The following PDPK1 variants were observed in gnomAD, a reference collection of about 807,000 sequenced individuals.
PDPK1 encodes 3-phosphoinositide-dependent protein kinase 1.
A neutral mutation model predicts 39.8 loss-of-function variants in PDPK1; 7 were observed. The ratio of observed to expected loss-of-function variants is 0.18; its 90% CI spans 0.10 to 0.33. PDPK1 has a LOEUF of 0.33. Among genes scored for constraint, PDPK1 ranks in the 10% least tolerant of loss-of-function variants. PDPK1 has a pLI of 1.00. For missense variants in PDPK1, 182 were observed against 384.7 expected (o/e 0.47, Z 4.41); for synonymous variants, 118 against 159.1 (o/e 0.74, Z 1.95).
At chr16:2,593,000 C>T (rs1335078721) in intron 11 of PDPK1, 3 of 456,670 alleles carry the variant, frequency 6.6e-6, no homozygotes, top group Admixed American at 2.3e-5. Context: ...GCTGGGAGTG[C>T]CTCTGGGCTC....
chr16:2,592,394 G>T, intron 11 of PDPK1: 1 of 275,594 alleles, frequency 3.6e-6, no homozygotes, highest in Non-Finnish European at 7.1e-6. Flanking sequence ...CAGGTCTTCA[G>T]CTCTTGCCCA....
At chr16:2,592,674 T>TAAA in intron 11 of PDPK1, 4 of 376,522 alleles carry the variant, frequency 1.1e-5, no homozygotes, top group East Asian at 7.7e-5. Context: ...GACTCTGTCT[T>TAAA]AAAAAAAAAA....
chr16:2,594,632 A>C (rs2067062376), intron 11 of PDPK1: 1 of 152,244 alleles, frequency 6.6e-6, no homozygotes, highest in African/African-American at 2.4e-5. Flanking sequence ...ATCAGATAGA[A>C]CACAAACCAG....
intron 7 of PDPK1, among the ~76,000 whole-genome samples, chr16:2,577,964 C>T (rs1208811355): frequency 1.3e-5 from 2 of 148,174 alleles, no homozygotes; most frequent in South Asian, 2.1e-4. Flanking sequence ...GTCTCGATCT[C>T]TTGAGCTCGT....
In PDPK1 at chr16:2,538,502, A is replaced by T. The variant is rs1364423530; in HGVS notation, c.24+366A>T. On this transcript the variant is annotated intron_variant, in intron 1 of 13. Coordinates refer to ENST00000342085, the MANE Select transcript of PDPK1 (RefSeq NM_002613.5). ...GGTTACCTTTCGGTTCTGTCTGTAG[A>T]GGAACCGCCCTGGGCTTCCACCTGG... 13 of 574,582 alleles carry T rather than the reference A, an allele frequency of 2.3e-5. No homozygotes were observed. In the Admixed American group the frequency reaches 3.0e-4, roughly 13 times the overall value. 35.6% of individuals were successfully genotyped at this position (574,582 alleles called of 1,614,324 possible). A position where few individuals can be genotyped will look rare whatever the true frequency, so the allele number is the denominator to read the frequency against.
chr16:2,545,034 T>C (rs1490781644), intron 1 of PDPK1, among the ~76,000 whole-genome samples: 1 of 151,090 alleles, frequency 6.6e-6, no homozygotes, highest in African/African-American at 2.4e-5. Context: ...AGCATTAACA[T>C]TGCATTTTTT....
At chr16:2,577,523 T>C (rs2066737591) in intron 7 of PDPK1, 23 bp downstream of exon 7, 1 of 1,562,206 alleles carries the variant, frequency 6.4e-7, no homozygotes, top group African/African-American at 1.4e-5. Flanking sequence ...ATCTAAGCCG[T>C]GCTTCCCTTT....
At chr16:2,546,457 A>C (rs2066349046) in intron 1 of PDPK1, among the ~76,000 whole-genome samples, 1 of 151,770 alleles carries the variant, frequency 6.6e-6, no homozygotes, top group Admixed American at 6.6e-5. Flanking sequence ...CCTCAGCCTC[A>C]TGAGTAGCTG....
intron 12 of PDPK1, among the ~76,000 whole-genome samples, 175 bp downstream of exon 12, chr16:2,596,025 A>G (rs953378238): frequency 1.3e-5 from 2 of 152,180 alleles, no homozygotes; most frequent in Admixed American, 1.3e-4. Flanking sequence ...AGCCATGTGG[A>G]GCCACACGCG....
intron 1 of PDPK1, among the ~76,000 whole-genome samples, chr16:2,551,819 A>G (rs2066417398): frequency 6.6e-6 from 1 of 151,110 alleles, no homozygotes; most frequent in African/African-American, 2.4e-5. Flanking sequence ...GCTGCACACC[A>G]CCACACCCAG....
At chr16:2,585,110 A>T (rs1454917834) in intron 10 of PDPK1, among the ~76,000 whole-genome samples, 1 of 152,192 alleles carries the variant, frequency 6.6e-6, no homozygotes, top group African/African-American at 2.4e-5. Context: ...CTCCAGTCTC[A>T]ATGCCTGGGG....
intron 1 of PDPK1, among the ~76,000 whole-genome samples, chr16:2,552,231 G>A (rs1174410012): frequency 1.3e-5 from 2 of 149,544 alleles, no homozygotes; most frequent in South Asian, 4.3e-4. Context: ...TTCGGCCTCT[G>A]GAAGTGCTGG....
At position 2,597,853 on chromosome 16, in the gene PDPK1, C is replaced by A; in HGVS notation, c.*86C>A. ...GCCATCCGGGACGCTTCCAGACCAC[C>A]TGCCAGCCATCACAAGGGGAACGCA... On this transcript the variant is annotated 3_prime_UTR_variant, in exon 14 of 14. Coordinates refer to ENST00000342085, the MANE Select transcript of PDPK1 (RefSeq NM_002613.5). The surrounding 1 kb of genome is among the most constrained non-coding windows in gnomAD (Gnocchi z 6.3). 1.2e-6 allele frequency: 1 copy of A among 806,320 alleles called. No individual in the cohort carries two copies. Among genetic ancestry groups the A allele is most frequent in the Admixed American group, 2.2e-5 (1 of 44,912 alleles). The allele number at this position is 806,320 out of a possible 1,614,324, so 49.9% of individuals were successfully genotyped here.
At chr16:2,576,707 A>G (rs980564042) in intron 6 of PDPK1, 1 of 152,720 alleles carries the variant, frequency 6.5e-6, no homozygotes, top group Admixed American at 6.2e-5. Context: ...GGCCTCGAGC[A>G]GTCCTCCTGC....
intron 11 of PDPK1, chr16:2,592,692 A>AG: frequency 2.4e-6 from 1 of 417,806 alleles, no homozygotes; most frequent in South Asian, 1.7e-5. Context: ...AAAAAAATCA[A>AG]GGTGATTCCT....
chr16:2,588,828 T>A (rs552415800), intron 11 of PDPK1, among the ~76,000 whole-genome samples: 7 of 152,330 alleles, frequency 4.6e-5, no homozygotes, highest in African/African-American at 1.7e-4. Context: ...TTTGTAATAC[T>A]AAGATGTTAT....
chr16:2,586,835 C>A lies in PDPK1; in HGVS notation c.1285C>A (p.Gln429Lys). The change falls in exon 11 of 14, where the codon CAG becomes AAG. Residue 429 changes from glutamine (Q) to lysine (K), a missense_variant. Gln to Lys is a moderately conservative substitution (Grantham distance 53). Transcript: ENST00000342085. ...LDSNSFELDL[Q>K]FSEDEKRLLL... ...CTCGAACTCCTTTGAACTGGACTTA[C>A]AGTTTTCCGAAGATGAGAAGAGGTT... 8 of 1,614,266 alleles carry A rather than the reference C, an allele frequency of 5.0e-6. No individual in the cohort carries two copies. The highest frequency in any genetic ancestry group is 6.8e-6 in the Non-Finnish European group (8 of 1,180,052).
intron 12 of PDPK1, among the ~76,000 whole-genome samples, chr16:2,596,832 A>T (rs1028065577): frequency 6.6e-6 from 1 of 152,058 alleles, no homozygotes; most frequent in African/African-American, 2.4e-5. Flanking sequence ...GAGGCCGGCT[A>T]CCGAGAGCAG....
Position 2,598,025 on chromosome 16 carries a change from C to A in PDPK1, c.*258C>A. On this transcript the variant is annotated 3_prime_UTR_variant, in exon 14 of 14. Transcript: ENST00000342085. ...TGCTCCGTGGAGGCCTCCGTGTGCC[C>A]TCGTTGCCGTGGGGACCCAGCTCCA... 1 of 518,712 alleles carries A rather than the reference C, an allele frequency of 1.9e-6. No homozygotes were observed. The highest frequency in any genetic ancestry group is 3.5e-6 in the Non-Finnish European group (1 of 288,722). The allele number at this position is 518,712 out of a possible 1,614,324, so 32.1% of individuals were successfully genotyped here. A position where few individuals can be genotyped will look rare whatever the true frequency, so the allele number is the denominator to read the frequency against.
Sources: gnomAD v4.1 joint callset for allele counts (sites outside exome capture counted in the v4.1 genomes callset) on GRCh38, gnomAD v4.1.1 for gene constraint, Gnocchi (gnomAD v3.1) non-coding constraint, MANE v1.5 for transcripts, NCBI Gene and HGNC (gene_info 2026-07-23, HGNC 2026-07-21) for gene names.